PRKAR1B: variants seen among roughly 807,000 people sequenced by gnomAD.
The protein encoded by PRKAR1B is protein kinase cAMP-dependent type I regulatory subunit beta.
Under a neutral mutation model 46.5 loss-of-function variants are expected in PRKAR1B, and 22 were observed. That is an observed-to-expected ratio of 0.47 (90% confidence interval 0.34 to 0.68). The LOEUF is 0.68. PRKAR1B is among the 30% of genes least tolerant of loss of function. The pLI, the probability that PRKAR1B is intolerant of heterozygous loss-of-function variation, is 0.01. For synonymous variants in PRKAR1B, 259 were observed against 217.7 expected, an observed-to-expected ratio of 1.19 and a Z score of -1.67; for missense variants, 445 against 535.6, an observed-to-expected ratio of 0.83 and a Z score of 1.67.
rs369240909 is a variant in PRKAR1B, at chr7:671,595, A to G, written c.440+5634T>C. Among the ~76,000 whole-genome samples the G allele has an allele frequency of 3.3e-5, 5 of 152,108 alleles. No individual in the cohort carries two copies. The East Asian group carries it at 9.6e-4, about 29-fold the overall frequency. ...CACCTCAGCCTCCAGAGTAACTGGG[A>G]TTATAGGCGTGTACCACCAGGCCCG... On this transcript the variant is annotated intron_variant, in intron 4 of 10. Coordinates refer to ENST00000537384, the MANE Select transcript of PRKAR1B (RefSeq NM_001164760.2).
At chr7:726,929 AG>A in intron 1 of PRKAR1B, 1 of 1,347,266 alleles carries the variant, frequency 7.4e-7, no homozygotes, top group Non-Finnish European at 9.6e-7. Flanking sequence ...ACCGCTTTCC[AG>A]GGCCCCTGGG....
intron 4 of PRKAR1B, among the ~76,000 whole-genome samples, chr7:658,965 A>C (rs1409038214): frequency 1.3e-5 from 2 of 152,144 alleles, no homozygotes; most frequent in Non-Finnish European, 2.9e-5. Context: ...GTTTTTAAAA[A>C]AATATTATCT....
At chr7:674,861 G>C (rs577268056) in intron 4 of PRKAR1B, among the ~76,000 whole-genome samples, 29 of 152,322 alleles carry the variant, frequency 1.9e-4, no homozygotes, top group Non-Finnish European at 3.8e-4. Flanking sequence ...GCCTGAACCA[G>C]CCACATGCTC....
chr7:652,822 A>T (rs1364060193), intron 4 of PRKAR1B, among the ~76,000 whole-genome samples: 1 of 152,214 alleles, frequency 6.6e-6, no homozygotes, highest in Admixed American at 6.5e-5. Context: ...ATTGTTACAT[A>T]ACAAACCACC....
chr7:726,893 AG>A (rs1781320890), intron 1 of PRKAR1B: 1 of 1,336,470 alleles, frequency 7.5e-7, no homozygotes, highest in African/African-American at 1.5e-5. Flanking sequence ...CGCGCGCTGG[AG>A]GAGCCAGGCC....
chr7:710,877 C>T (rs1780588752), intron 2 of PRKAR1B, among the ~76,000 whole-genome samples: 1 of 152,118 alleles, frequency 6.6e-6, no homozygotes, highest in Non-Finnish European at 1.5e-5. Flanking sequence ...CTCCTGACCT[C>T]AAGTGATCTG....
chr7:618,582 G>A (rs750780465), intron 4 of PRKAR1B, among the ~76,000 whole-genome samples: 33 of 152,036 alleles, frequency 2.2e-4, no homozygotes, highest in Non-Finnish European at 4.4e-4. Context: ...ATCTACCCAC[G>A]TCACCACATT....
intron 4 of PRKAR1B, among the ~76,000 whole-genome samples, chr7:615,883 G>GAGAGAGAAAGAGAAAAAAGGA (rs1241028940): frequency 6.7e-6 from 1 of 148,812 alleles, no homozygotes; most frequent in Admixed American, 6.7e-5. Flanking sequence ...GAGGGAAAGG[G>GAGAGAGAAAGAGAAAAAAGGA]AGAGAGAAAG....
At chr7:685,634 T>G (rs62432182) in intron 2 of PRKAR1B, among the ~76,000 whole-genome samples, 123,168 of 151,028 alleles carry the variant, frequency 0.82, 50,508 homozygotes, top group African/African-American at 0.9. Context: ...GAAAAGTCAG[T>G]TCACCTACAA....
chr7:614,936 G>A (rs1294639274), intron 4 of PRKAR1B, among the ~76,000 whole-genome samples: 1 of 152,060 alleles, frequency 6.6e-6, no homozygotes, highest in Non-Finnish European at 1.5e-5. Flanking sequence ...ATTCAGCTGG[G>A]CATGGTAGCA....
intron 1 of PRKAR1B, among the ~76,000 whole-genome samples, chr7:719,773 C>T (rs1028392000): frequency 1.3e-5 from 2 of 152,122 alleles, no homozygotes; most frequent in Admixed American, 1.3e-4. Flanking sequence ...TCCTAGTGAC[C>T]CTTAATAATC....
intron 4 of PRKAR1B, among the ~76,000 whole-genome samples, chr7:632,140 C>A (rs1156978546): frequency 6.6e-6 from 1 of 152,222 alleles, no homozygotes; most frequent in African/African-American, 2.4e-5. Context: ...CTGGGGGGAG[C>A]AGGTGCTGGC....
chr7:674,730 A>G (rs1040321939), intron 4 of PRKAR1B, among the ~76,000 whole-genome samples: 5 of 152,212 alleles, frequency 3.3e-5, no homozygotes, highest in Admixed American at 2.6e-4. Context: ...AGCTACACCC[A>G]GATACTCCAG....
intron 1 of PRKAR1B, chr7:712,827 G>T (rs1767276957): frequency 6.9e-6 from 1 of 145,740 alleles, no homozygotes; most frequent in Non-Finnish European, 1.5e-5. Flanking sequence ...CACGACCACC[G>T]CGGCTGCCTG....
intron 1 of PRKAR1B, among the ~76,000 whole-genome samples, chr7:717,451 G>C (rs918923040): frequency 4.6e-5 from 7 of 152,070 alleles, no homozygotes; most frequent in Non-Finnish European, 8.8e-5. Context: ...GAGTCCAGGA[G>C]TTCAAGACCC....
At chr7:619,393 A>G (rs1782996508) in intron 4 of PRKAR1B, among the ~76,000 whole-genome samples, 1 of 152,244 alleles carries the variant, frequency 6.6e-6, no homozygotes, top group Non-Finnish European at 1.5e-5. Flanking sequence ...TGTTTTACGC[A>G]CAGTTGCTCA....
At chr7:564,170 G>A (rs1017057493) in intron 9 of PRKAR1B, among the ~76,000 whole-genome samples, 4 of 152,064 alleles carry the variant, frequency 2.6e-5, no homozygotes, top group Non-Finnish European at 4.4e-5. Flanking sequence ...CAGCCCAGTG[G>A]GCCCCTCCGG....
chr7:592,243 G>C (rs537635398), intron 7 of PRKAR1B, among the ~76,000 whole-genome samples: 2 of 152,230 alleles, frequency 1.3e-5, no homozygotes, highest in African/African-American at 4.8e-5. Context: ...CCCGGCTGCC[G>C]TGGCCTCACG....
In PRKAR1B at chr7:711,529, T is replaced by C; in HGVS notation, c.-22-2A>G. On this transcript the variant is annotated splice_acceptor_variant, in intron 1 of 10. Coordinates refer to ENST00000537384, the MANE Select transcript of PRKAR1B (RefSeq NM_001164760.2). LOFTEE classifies it low-confidence loss of function (5UTR_SPLICE). Reference sequence around the variant, plus strand: ...ATGGCGAGGGTGGCTGCTTCCTTCCTGTCCAGAAAACACACAGATCCCCAG... The same window carrying C: ...ATGGCGAGGGTGGCTGCTTCCTTCCCGTCCAGAAAACACACAGATCCCCAG... 3.1e-6 allele frequency: 5 copies of C among 1,609,870 alleles called. No homozygotes were observed. The South Asian group carries it at 4.4e-5, about 14-fold the overall frequency.
Sources: allele counts gnomAD v4.1 joint callset (sites outside exome capture counted in the v4.1 genomes callset), GRCh38; gene constraint gnomAD v4.1.1; transcripts MANE v1.5; gene names NCBI Gene and HGNC (gene_info 2026-07-23, HGNC 2026-07-21).